Variants in FRMD4A observed in about 807,000 individuals in gnomAD.
FRMD4A encodes FERM domain-containing protein 4A.
A neutral mutation model predicts 129.1 loss-of-function variants in FRMD4A; 29 were observed. The observed-to-expected ratio is 0.22, with a 90% CI of 0.17 to 0.31. The LOEUF is 0.31. FRMD4A is among the 10% of genes least tolerant of loss of function. FRMD4A has a pLI of 1.00. For synonymous variants in FRMD4A, 634 were observed against 571.6 expected (o/e 1.11, Z -1.56); for missense variants, 1,272 against 1,375.8 (o/e 0.92, Z 1.19).
chr10:14,008,162 C>CTGTGTGAGTGTG, intron 2 of FRMD4A: 1 of 628,412 alleles, frequency 1.6e-6, no homozygotes, highest in East Asian at 9.8e-5. Context: ...TGGTGTACAG[C>CTGTGTGAGTGTG]TGTGTGTGTG....
At chr10:13,940,844 C>A (rs1466002902) in intron 2 of FRMD4A, among the ~76,000 whole-genome samples, 1 of 152,174 alleles carries the variant, frequency 6.6e-6, no homozygotes, top group Non-Finnish European at 1.5e-5. Flanking sequence ...TTTACGATTT[C>A]CTAGTCCAAC....
chr10:13,674,375 AG>A (rs1317645348), intron 16 of FRMD4A, among the ~76,000 whole-genome samples: 2 of 152,336 alleles, frequency 1.3e-5, no homozygotes, highest in African/African-American at 4.8e-5. Context: ...ATGAGGGATG[AG>A]GGATCATCAT....
chr10:13,770,179 C>G (rs902528724), intron 6 of FRMD4A, among the ~76,000 whole-genome samples: 1 of 152,114 alleles, frequency 6.6e-6, no homozygotes, highest in Non-Finnish European at 1.5e-5. Context: ...AATTTGCCCC[C>G]GGGGCAAACA....
At chr10:14,092,079 C>T (rs191772066) in intron 2 of FRMD4A, among the ~76,000 whole-genome samples, 73 of 152,292 alleles carry the variant, frequency 4.8e-4, no homozygotes, top group South Asian at 1.9e-3. Flanking sequence ...AAGGCAAGGT[C>T]ATTTTCTACC....
intron 2 of FRMD4A, among the ~76,000 whole-genome samples, chr10:14,229,398 T>C (rs1351206081): frequency 1.3e-5 from 2 of 152,198 alleles, no homozygotes; most frequent in African/African-American, 4.8e-5. Context: ...TACATTTCTT[T>C]AAGTAGCCCC....
intron 2 of FRMD4A, among the ~76,000 whole-genome samples, chr10:14,100,828 G>GA (rs1346387032): frequency 5.9e-5 from 9 of 152,116 alleles, no homozygotes; most frequent in African/African-American, 2.2e-4. Context: ...ATATCTAAGG[G>GA]AAAATCAATC....
chr10:14,178,246 G>C (rs1045231076), intron 2 of FRMD4A, among the ~76,000 whole-genome samples: 2 of 152,122 alleles, frequency 1.3e-5, no homozygotes, highest in Non-Finnish European at 2.9e-5. Context: ...TTAAATTTCT[G>C]TTCTTTATTA....
chr10:14,284,250 C>T (rs1002761315), intron 2 of FRMD4A, among the ~76,000 whole-genome samples: 2 of 152,146 alleles, frequency 1.3e-5, no homozygotes, highest in Admixed American at 6.5e-5. Context: ...CCATAATCAT[C>T]AAATAAACTC....
At chr10:14,202,664 G>C (rs1842673574) in intron 2 of FRMD4A, among the ~76,000 whole-genome samples, 1 of 152,132 alleles carries the variant, frequency 6.6e-6, no homozygotes, top group Non-Finnish European at 1.5e-5. Context: ...ACCTCCCAAA[G>C]TGCTGGGATT....
At chr10:14,287,136 G>GC (rs957124753) in intron 2 of FRMD4A, among the ~76,000 whole-genome samples, 2 of 107,290 alleles carry the variant, frequency 1.9e-5, no homozygotes, top group African/African-American at 9.1e-5. Context: ...TCTTTGACAG[G>GC]CCCCCCGCTC....
At chr10:13,781,759 T>C (rs2092741955) in intron 6 of FRMD4A, among the ~76,000 whole-genome samples, 1 of 152,166 alleles carries the variant, frequency 6.6e-6, no homozygotes, top group African/African-American at 2.4e-5. Context: ...TCCACTTATA[T>C]GAAGTACTAG....
chr10:14,055,456 C>CAAAA (rs755724472), intron 2 of FRMD4A, among the ~76,000 whole-genome samples: 3 of 24,798 alleles, frequency 1.2e-4, no homozygotes, highest in African/African-American at 5.6e-4. Flanking sequence ...CACACACACA[C>CAAAA]ACACAAACAC....
intron 15 of FRMD4A, among the ~76,000 whole-genome samples, chr10:13,679,439 A>AT (rs2084292294): frequency 1.6e-5 from 1 of 62,466 alleles, no homozygotes; most frequent in African/African-American, 7.4e-5. Flanking sequence ...AAAAAAAAAA[A>AT]AAAAAAAAAA....
intron 15 of FRMD4A, among the ~76,000 whole-genome samples, chr10:13,683,638 T>C (rs1419016140): frequency 1.3e-5 from 2 of 150,620 alleles, no homozygotes; most frequent in African/African-American, 2.4e-5. Flanking sequence ...GTAGTTGCCG[T>C]AGAAGGTGGA....
At chr10:13,807,774 G>T (rs1422424921) in intron 4 of FRMD4A, among the ~76,000 whole-genome samples, 1 of 150,672 alleles carries the variant, frequency 6.6e-6, no homozygotes, top group Non-Finnish European at 1.5e-5. Flanking sequence ...ATGACCTAGA[G>T]TCACACGTTC....
rs531251092 is a variant in FRMD4A, at chr10:14,080,133, G to A, written c.46-221221C>T. 7.2e-5 allele frequency among the ~76,000 whole-genome samples: 11 copies of A among 152,276 alleles called. No homozygotes were observed. In the South Asian group the frequency reaches 8.3e-4, roughly 11 times the overall value. The stretch of plus-strand genomic sequence containing the variant: ...CAAAAGGAGAGGTGCCTGCAGCAAT[G>A]GCTAGTGGGCCAGCCCCTGGCAGCA... On this transcript the variant is annotated intron_variant, in intron 2 of 24. Transcript: ENST00000357447.
At chr10:13,961,950 T>G (rs978617192) in intron 2 of FRMD4A, among the ~76,000 whole-genome samples, 1 of 151,018 alleles carries the variant, frequency 6.6e-6, no homozygotes, top group Non-Finnish European at 1.5e-5. Flanking sequence ...ATGAATGAAT[T>G]TACCATTCTA....
At chr10:14,246,382 TACACAC>T (rs72276961) in intron 2 of FRMD4A, among the ~76,000 whole-genome samples, 188 of 151,068 alleles carry the variant, frequency 1.2e-3, no homozygotes, top group African/African-American at 3.6e-3. Context: ...AAAACACACA[TACACAC>T]ACACACACAC....
chr10:13,961,611 T>C (rs2095445923), intron 2 of FRMD4A, among the ~76,000 whole-genome samples: 1 of 152,192 alleles, frequency 6.6e-6, no homozygotes, highest in Non-Finnish European at 1.5e-5. Context: ...CTCAGCCTAG[T>C]TAATTCCTAC....
Sources: gnomAD v4.1 joint callset for allele counts (sites outside exome capture counted in the v4.1 genomes callset) on GRCh38, gnomAD v4.1.1 for gene constraint, MANE v1.5 for transcripts, NCBI Gene and HGNC (gene_info 2026-07-23, HGNC 2026-07-21) for gene names.